Variants in ANKRD62 observed in about 807,000 individuals in gnomAD.
The protein encoded by ANKRD62 is ankyrin repeat domain-containing protein 62.
ANKRD62 carries 61 observed loss-of-function variants against 98.8 expected under a neutral mutation model. That is an observed-to-expected ratio of 0.62 (90% confidence interval 0.50 to 0.76). ANKRD62 has a LOEUF of 0.76. Among genes scored for constraint, ANKRD62 ranks in the 30% least tolerant of loss-of-function variants. The pLI, the probability that ANKRD62 is intolerant of heterozygous loss-of-function variation, is 0.00. For missense variants in ANKRD62, 933 were observed against 1,082.9 expected (o/e 0.86, Z 1.94); for synonymous variants, 341 against 367.9 (o/e 0.93, Z 0.84).
the ANKRD62 span, among the ~76,000 whole-genome samples, chr18:12,136,203 C>T: frequency 5.3e-5 from 8 of 151,908 alleles, no homozygotes; most frequent in African/African-American, 1.2e-4. Flanking sequence ...TTTAATCCAT[C>T]TTGAATTAAT....
downstream of ANKRD62, among the ~76,000 whole-genome samples, chr18:12,131,271 A>C (rs759419467): frequency 6.6e-6 from 1 of 152,254 alleles, no homozygotes; most frequent in Non-Finnish European, 1.5e-5. Context: ...ACAAGGAAAC[A>C]TAACTGCAGA....
chr18:12,098,662 A>G (rs1909235021), intron 5 of ANKRD62: 1 of 152,254 alleles, frequency 6.6e-6, no homozygotes, highest in Non-Finnish European at 1.5e-5. Flanking sequence ...GGAGTAAGGT[A>G]TCTATGAAAT....
At chr18:12,117,789 A>G (rs558661650) in intron 10 of ANKRD62, among the ~76,000 whole-genome samples, 2 of 152,274 alleles carry the variant, frequency 1.3e-5, no homozygotes, top group South Asian at 4.1e-4. Flanking sequence ...TGTTAAGCCA[A>G]CCCTGCAGTC....
intron 7 of ANKRD62, among the ~76,000 whole-genome samples, chr18:12,106,786 A>G (rs1432656738): frequency 6.6e-6 from 1 of 152,150 alleles, no homozygotes; most frequent in African/African-American, 2.4e-5. Flanking sequence ...TCAGTATCCT[A>G]GGATCCAAAG....
Position 12,122,436 on chromosome 18 carries a change from G to A in ANKRD62, c.1374G>A (p.Lys458=). ...KMKNNISVLQ[K]VLSETDKTKS... ...AAAATAATATTAGCGTACTACAAAA[G>A]GTACTATCTGAAACAGACAAAACCA... The change falls in exon 11 of 14, where the codon AAG becomes AAA. Residue 458 remains lysine, a synonymous_variant. Coordinates refer to ENST00000587848, the MANE Select transcript of ANKRD62 (RefSeq NM_001277333.2). 5 of 1,535,366 alleles carry A rather than the reference G, an allele frequency of 3.3e-6. No homozygotes were observed. Among genetic ancestry groups the A allele is most frequent in the Non-Finnish European group, 2.6e-6 (3 of 1,146,602 alleles).
At chr18:12,122,115 C>T (rs1909794535) in intron 10 of ANKRD62, among the ~76,000 whole-genome samples, 188 bp from the exon 11 acceptor site, 2 of 152,192 alleles carry the variant, frequency 1.3e-5, no homozygotes, top group South Asian at 4.1e-4. Flanking sequence ...ACACTTGAAG[C>T]TAAACAAGAT....
chr18:12,180,810 A>G, the ANKRD62 span, among the ~76,000 whole-genome samples: 1 of 150,264 alleles, frequency 6.7e-6, no homozygotes, highest in Non-Finnish European at 1.5e-5. Flanking sequence ...TTTTTTTTTT[A>G]TACTTTAAGT....
the ANKRD62 span, among the ~76,000 whole-genome samples, chr18:12,140,831 A>G: frequency 6.6e-6 from 1 of 152,180 alleles, no homozygotes; most frequent in Non-Finnish European, 1.5e-5. Flanking sequence ...CCGTTCTCAG[A>G]TCTCAAATCT....
At chr18:12,134,236 C>T (rs1910046165), downstream of ANKRD62, among the ~76,000 whole-genome samples, 1 of 152,180 alleles carries the variant, frequency 6.6e-6, no homozygotes, top group Non-Finnish European at 1.5e-5. Context: ...CATTAAGCAT[C>T]ACATTTACTT....
the ANKRD62 span, among the ~76,000 whole-genome samples, chr18:12,161,756 C>T: frequency 6.6e-6 from 1 of 152,054 alleles, no homozygotes; most frequent in African/African-American, 2.4e-5. Flanking sequence ...TTTTAGATCC[C>T]ACAAATAAGT....
downstream of ANKRD62, among the ~76,000 whole-genome samples, chr18:12,134,306 T>G (rs1384214147): frequency 6.6e-6 from 1 of 152,212 alleles, no homozygotes; most frequent in East Asian, 1.9e-4. Context: ...ATGGCACATA[T>G]TTGACTAAAA....
At chr18:12,179,745 C>T in the ANKRD62 span, among the ~76,000 whole-genome samples, 8 of 141,930 alleles carry the variant, frequency 5.6e-5, 1 homozygote, top group East Asian at 2.3e-4. Flanking sequence ...GATGAGTTAG[C>T]GAGCCCAACA....
intron 6 of ANKRD62, chr18:12,102,768 G>A (rs1052017513): frequency 1.0e-6 from 1 of 999,158 alleles, no homozygotes; most frequent in African/African-American, 1.7e-5. Context: ...TAAGAAGCAG[G>A]TTTAGTGTGT....
At chr18:12,133,672 C>G (rs1449202720), downstream of ANKRD62, among the ~76,000 whole-genome samples, 1 of 151,992 alleles carries the variant, frequency 6.6e-6, no homozygotes, top group Non-Finnish European at 1.5e-5. Flanking sequence ...TGTCTATGTT[C>G]TTAGATGAAA....
chr18:12,163,366 A>C, the ANKRD62 span, among the ~76,000 whole-genome samples: 4 of 152,040 alleles, frequency 2.6e-5, no homozygotes, highest in African/African-American at 9.7e-5. Context: ...CCTGCAACTT[A>C]AATCAATTTG....
At chr18:12,171,372 G>T in the ANKRD62 span, among the ~76,000 whole-genome samples, 7 of 152,250 alleles carry the variant, frequency 4.6e-5, no homozygotes, top group South Asian at 4.1e-4. Flanking sequence ...CTCTGTAAAG[G>T]ATTTTATTTC....
At position 12,126,006 on chromosome 18, in the gene ANKRD62, G is replaced by C. The variant is rs1300372288; in HGVS notation, c.2185G>C (p.Glu729Gln). 1.3e-6 allele frequency: 2 copies of C among 1,536,646 alleles called. No individual in the cohort carries two copies. The highest frequency in any genetic ancestry group is 2.4e-5 in the East Asian group (1 of 40,922). ...CCATTATGAAAGAGAGGCTCTCAAA[G>C]AAAAGACGTTGCATATAGAACACAT... ...ELHYEREALK[E>Q]KTLHIEHMQG... Residue 729 changes from glutamate to glutamine, a missense_variant, in exon 13 of 14, where the codon GAA becomes CAA. By Grantham distance (29) the Glu-to-Gln change is conservative (BLOSUM62 2). This residue lies in a region of ANKRD62 where 362 missense variants were observed against 434.5 expected (regional missense o/e 0.83). Transcript: ENST00000587848.
the ANKRD62 span, among the ~76,000 whole-genome samples, chr18:12,169,788 T>A: frequency 2.6e-5 from 4 of 152,114 alleles, no homozygotes; most frequent in African/African-American, 9.6e-5. Context: ...TGGTAGGCTA[T>A]TATTGCCTCA....
chr18:12,108,304 C>T (rs1244796941), intron 8 of ANKRD62, among the ~76,000 whole-genome samples: 1 of 152,162 alleles, frequency 6.6e-6, no homozygotes, highest in Non-Finnish European at 1.5e-5. Flanking sequence ...GGGGAAGCCT[C>T]AGGAAATTTA....
Sources: allele counts gnomAD v4.1 joint callset (sites outside exome capture counted in the v4.1 genomes callset), GRCh38; gene constraint gnomAD v4.1.1; regional missense constraint gnomAD v4.1.1; transcripts MANE v1.5; gene names NCBI Gene and HGNC (gene_info 2026-07-23, HGNC 2026-07-21).